CSMD3: variants seen among roughly 807,000 people sequenced by gnomAD.
The protein encoded by CSMD3 is CUB and sushi domain-containing protein 3.
In CSMD3, 177 loss-of-function variants were observed where a neutral mutation model predicts 435.2. The ratio of observed to expected loss-of-function variants is 0.41; its 90% CI spans 0.36 to 0.46. CSMD3 has a LOEUF of 0.46. Among genes scored for constraint, CSMD3 ranks in the 20% least tolerant of loss-of-function variants. The pLI, the probability that CSMD3 is intolerant of heterozygous loss-of-function variation, is 0.34. For synonymous variants in CSMD3, 1,656 were observed against 1,520.5 expected (o/e 1.09, Z -2.07); for missense variants, 4,265 against 4,504.6 (o/e 0.95, Z 1.52).
At chr8:112,985,921 T>C (rs2085238905) in intron 6 of CSMD3, among the ~76,000 whole-genome samples, 1 of 152,144 alleles carries the variant, frequency 6.6e-6, no homozygotes, top group African/African-American at 2.4e-5. Flanking sequence ...ACAATAATAA[T>C]AGAAACAAAG....
At chr8:112,299,181 G>A (rs971171780) in intron 53 of CSMD3, among the ~76,000 whole-genome samples, 6 of 151,744 alleles carry the variant, frequency 4.0e-5, no homozygotes, top group African/African-American at 1.4e-4. Context: ...AATAGTTACT[G>A]CCTCAGGTTA....
intron 4 of CSMD3, among the ~76,000 whole-genome samples, chr8:113,111,704 G>T (rs1261721919): frequency 6.6e-6 from 1 of 151,974 alleles, no homozygotes; most frequent in Non-Finnish European, 1.5e-5. Flanking sequence ...TTTTTTGAGA[G>T]GGAGTCTCGC....
chr8:112,860,242 T>C (rs2080788333), intron 10 of CSMD3, among the ~76,000 whole-genome samples: 2 of 151,926 alleles, frequency 1.3e-5, no homozygotes, highest in East Asian at 1.9e-4. Context: ...TGTAGATTTC[T>C]TTATTAGTTT....
At chr8:113,297,479 A>T (rs1288007386) in intron 2 of CSMD3, among the ~76,000 whole-genome samples, 1 of 152,094 alleles carries the variant, frequency 6.6e-6, no homozygotes, top group African/African-American at 2.4e-5. Context: ...AGTAAATCAG[A>T]TGGGAACAAT....
At chr8:112,484,792 A>G (rs969281671) in intron 31 of CSMD3, among the ~76,000 whole-genome samples, 1 of 152,258 alleles carries the variant, frequency 6.6e-6, no homozygotes, top group African/African-American at 2.4e-5. Context: ...GTTCATGTTC[A>G]AAGAAAATGC....
intron 6 of CSMD3, among the ~76,000 whole-genome samples, chr8:113,009,063 T>C (rs1469755113): frequency 6.6e-6 from 1 of 151,754 alleles, no homozygotes; most frequent in Admixed American, 6.6e-5. Context: ...TTTTTGCCTA[T>C]TTCTTAAACT....
chr8:113,228,977 C>A (rs1002997744), intron 3 of CSMD3, among the ~76,000 whole-genome samples: 1 of 151,572 alleles, frequency 6.6e-6, no homozygotes, highest in African/African-American at 2.4e-5. Context: ...ACATAATTCA[C>A]CACGTTCAAG....
At chr8:112,255,504 A>G (rs1815698714) in intron 61 of CSMD3, 77 bp from the exon 62 acceptor site, 2 of 1,215,490 alleles carry the variant, frequency 1.6e-6, no homozygotes, top group Admixed American at 1.7e-5. Context: ...AATGGTGACA[A>G]TCAATTTGAA....
At chr8:112,445,855 T>C (rs1815541746) in intron 32 of CSMD3, among the ~76,000 whole-genome samples, 1 of 152,198 alleles carries the variant, frequency 6.6e-6, no homozygotes, top group Non-Finnish European at 1.5e-5. Context: ...CCTACTATTT[T>C]AATTCCTTCT....
At chr8:113,157,575 G>C (rs1380921948) in intron 4 of CSMD3, among the ~76,000 whole-genome samples, 1 of 152,028 alleles carries the variant, frequency 6.6e-6, no homozygotes, top group Non-Finnish European at 1.5e-5. Context: ...AACACTTAAA[G>C]TTACTTAGAT....
intron 4 of CSMD3, among the ~76,000 whole-genome samples, chr8:113,137,976 T>C (rs2091456933): frequency 6.6e-6 from 1 of 151,594 alleles, no homozygotes. Flanking sequence ...ATATAAATAC[T>C]TTTCCCTCAT....
intron 22 of CSMD3, among the ~76,000 whole-genome samples, chr8:112,606,092 G>C (rs1389420458): frequency 1.3e-5 from 2 of 152,074 alleles, no homozygotes; most frequent in Non-Finnish European, 2.9e-5. Context: ...TGGAAATCTG[G>C]AAGTCCAGTG....
chr8:112,336,619 T>A, intron 44 of CSMD3, 33 bp downstream of exon 44: 1 of 1,484,492 alleles, frequency 6.7e-7, no homozygotes, highest in Admixed American at 1.7e-5. Flanking sequence ...GTGTATATAA[T>A]TGAATAAATC....
At chr8:112,704,232 A>C (rs142552981) in intron 13 of CSMD3, among the ~76,000 whole-genome samples, 11 of 151,992 alleles carry the variant, frequency 7.2e-5, no homozygotes, top group African/African-American at 2.4e-4. Context: ...CCCCCACCTC[A>C]ACTGCTGAGT....
At chr8:112,566,771 T>C (rs1222974132) in intron 24 of CSMD3, among the ~76,000 whole-genome samples, 4 of 152,082 alleles carry the variant, frequency 2.6e-5, no homozygotes, top group East Asian at 1.9e-4. Flanking sequence ...GAAGGCAACA[T>C]GGTGCAGGCC....
At chr8:113,344,545 A>G (rs1358444710) in intron 1 of CSMD3, among the ~76,000 whole-genome samples, 1 of 152,132 alleles carries the variant, frequency 6.6e-6, no homozygotes, top group Non-Finnish European at 1.5e-5. Context: ...CTATTTTCCC[A>G]CATGCACTAT....
chr8:112,392,664 T>C (rs1488378470), intron 35 of CSMD3, among the ~76,000 whole-genome samples: 1 of 143,434 alleles, frequency 7.0e-6, no homozygotes, highest in Non-Finnish European at 1.5e-5. Flanking sequence ...TCATACGTAC[T>C]TTTTTTTTTT....
chr8:112,893,099 A>AACT (rs931433300), intron 10 of CSMD3, among the ~76,000 whole-genome samples: 1 of 150,674 alleles, frequency 6.6e-6, no homozygotes, highest in African/African-American at 2.4e-5. Flanking sequence ...ACTACTACAA[A>AACT]ACTACTACTA....
chr8:113,013,680 T>A (rs986230730), intron 6 of CSMD3, among the ~76,000 whole-genome samples: 4 of 152,008 alleles, frequency 2.6e-5, no homozygotes, highest in African/African-American at 9.7e-5. Context: ...TTCAGGAAAC[T>A]GAAGGATCCA....
Sources: gnomAD v4.1 joint callset for allele counts (sites outside exome capture counted in the v4.1 genomes callset) on GRCh38, gnomAD v4.1.1 for gene constraint, MANE v1.5 for transcripts, NCBI Gene and HGNC (gene_info 2026-07-23, HGNC 2026-07-21) for gene names.